CSMD1: variants seen among roughly 807,000 people sequenced by gnomAD.
CSMD1 encodes CUB and Sushi multiple domains 1.
Under a neutral mutation model 417.5 loss-of-function variants are expected in CSMD1, and 213 were observed. That is an observed-to-expected ratio of 0.51 (90% CI 0.46 to 0.57). The LOEUF (loss-of-function observed/expected upper bound fraction) is 0.57, where lower values mean the gene tolerates loss of function less well. Among genes scored for constraint, CSMD1 ranks in the 20% least tolerant of loss-of-function variants. The pLI, the probability that CSMD1 is intolerant of heterozygous loss-of-function variation, is 0.00. For synonymous variants in CSMD1, 2,862 were observed against 1,736.8 expected, an observed-to-expected ratio of 1.65 and a Z score of -16.11; for missense variants, 6,923 against 4,529.7, an observed-to-expected ratio of 1.53 and a Z score of -15.17.
intron 7 of CSMD1, among the ~76,000 whole-genome samples, chr8:3,693,434 G>C (rs1046246215): frequency 6.6e-6 from 1 of 152,082 alleles, no homozygotes; most frequent in Non-Finnish European, 1.5e-5. Flanking sequence ...TGGGTGGGCT[G>C]ACTTAGCTGG....
At chr8:4,070,310 C>T (rs754277658) in intron 3 of CSMD1, among the ~76,000 whole-genome samples, 1 of 152,046 alleles carries the variant, frequency 6.6e-6, no homozygotes, top group Non-Finnish European at 1.5e-5. Flanking sequence ...GTCTCATGCA[C>T]TTTAAAGAAA....
chr8:4,436,148 G>C (rs558642291), intron 2 of CSMD1, among the ~76,000 whole-genome samples: 6 of 152,240 alleles, frequency 3.9e-5, no homozygotes, highest in African/African-American at 1.4e-4. Context: ...AGAAGTCATA[G>C]ATATTGAGAG....
chr8:4,717,103 CTA>C (rs1808705599), intron 1 of CSMD1, among the ~76,000 whole-genome samples: 1 of 151,642 alleles, frequency 6.6e-6, no homozygotes, highest in African/African-American at 2.4e-5. Context: ...CCGAGAAAAA[CTA>C]TTTTTTTCTA....
chr8:4,966,460 A>G (rs115125753), intron 1 of CSMD1, among the ~76,000 whole-genome samples: 2,655 of 152,170 alleles, frequency 0.017, 88 homozygotes, highest in African/African-American at 0.061. Flanking sequence ...GCTAATATCA[A>G]CCATCACTTC....
intron 1 of CSMD1, among the ~76,000 whole-genome samples, chr8:4,921,040 G>A (rs753456312): frequency 2.8e-5 from 3 of 107,692 alleles, no homozygotes; most frequent in African/African-American, 3.6e-5. Flanking sequence ...AAGAAAGGAA[G>A]GAAGAAAGAA....
chr8:4,863,505 A>C (rs572228128), intron 1 of CSMD1, among the ~76,000 whole-genome samples: 3 of 152,096 alleles, frequency 2.0e-5, no homozygotes, highest in Non-Finnish European at 4.4e-5. Context: ...TCAGTGTTGA[A>C]TATTTTAATG....
intron 1 of CSMD1, among the ~76,000 whole-genome samples, chr8:4,984,534 T>G (rs1031873989): frequency 6.6e-6 from 1 of 152,206 alleles, no homozygotes; most frequent in East Asian, 1.9e-4. Context: ...AAAGTTTTCT[T>G]GTCTGTTCTC....
intron 3 of CSMD1, among the ~76,000 whole-genome samples, chr8:4,084,333 GAAAAA>G (rs56138357): frequency 6.8e-6 from 1 of 146,990 alleles, no homozygotes; most frequent in Non-Finnish European, 1.5e-5. Flanking sequence ...TGTTAAAAAA[GAAAAA>G]AAAAAACAAA....
intron 3 of CSMD1, among the ~76,000 whole-genome samples, chr8:4,411,821 A>G (rs1796663821): frequency 6.6e-6 from 1 of 152,244 alleles, no homozygotes; most frequent in African/African-American, 2.4e-5. Context: ...AGCTATGCAA[A>G]TACTTTTATT....
chr8:4,377,092 C>G (rs1488535640), intron 3 of CSMD1, among the ~76,000 whole-genome samples: 1 of 152,162 alleles, frequency 6.6e-6, no homozygotes, highest in Non-Finnish European at 1.5e-5. Flanking sequence ...CATTTCATTC[C>G]TCTTTCTTCT....
intron 1 of CSMD1, among the ~76,000 whole-genome samples, chr8:4,781,214 G>C (rs1797135828): frequency 6.6e-6 from 1 of 152,156 alleles, no homozygotes; most frequent in African/African-American, 2.4e-5. Context: ...AAGCCTGAAG[G>C]GCATTATGTG....
At chr8:4,865,564 T>C (rs1802377386) in intron 1 of CSMD1, among the ~76,000 whole-genome samples, 1 of 151,960 alleles carries the variant, frequency 6.6e-6, no homozygotes, top group Non-Finnish European at 1.5e-5. Flanking sequence ...CACCCCAACA[T>C]GGAATGCAAT....
chr8:4,178,057 G>T (rs1394135189), intron 3 of CSMD1, among the ~76,000 whole-genome samples: 1 of 152,056 alleles, frequency 6.6e-6, no homozygotes, highest in Non-Finnish European at 1.5e-5. Context: ...AGAAAAAGAG[G>T]GCACCCTCAC....
chr8:3,327,303 T>C (rs1806596680), intron 23 of CSMD1, among the ~76,000 whole-genome samples: 1 of 152,024 alleles, frequency 6.6e-6, no homozygotes, highest in Admixed American at 6.6e-5. Context: ...CCACCACATC[T>C]GGCTAATTTT....
chr8:4,622,288 C>G (rs561592883), intron 2 of CSMD1, among the ~76,000 whole-genome samples: 2 of 152,002 alleles, frequency 1.3e-5, no homozygotes, highest in Non-Finnish European at 2.9e-5. Context: ...AGATTCAGAG[C>G]TGGCTGAGGA....
At chr8:4,850,226 A>G (rs1801386094) in intron 1 of CSMD1, among the ~76,000 whole-genome samples, 1 of 152,086 alleles carries the variant, frequency 6.6e-6, no homozygotes, top group Non-Finnish European at 1.5e-5. Flanking sequence ...TCATTTTATT[A>G]CTGAGCTCCA....
chr8:4,289,264 C>G (rs1383887788), intron 3 of CSMD1, among the ~76,000 whole-genome samples: 6 of 152,192 alleles, frequency 3.9e-5, no homozygotes, highest in Non-Finnish European at 8.8e-5. Context: ...CCCTGGAAGC[C>G]TCTTTAGGCT....
chr8:3,313,547 C>T (rs971748391), intron 23 of CSMD1, among the ~76,000 whole-genome samples: 1 of 152,158 alleles, frequency 6.6e-6, no homozygotes, highest in Non-Finnish European at 1.5e-5. Flanking sequence ...AAATGCAAAT[C>T]AAAACCACAA....
At chr8:3,106,368 C>T (rs1816149227) in intron 46 of CSMD1, among the ~76,000 whole-genome samples, 160 bp downstream of exon 46, 1 of 152,192 alleles carries the variant, frequency 6.6e-6, no homozygotes, top group South Asian at 2.1e-4. Context: ...ACTGTACTCC[C>T]ACCTGGGTGA....
Sources: allele counts gnomAD v4.1 joint callset (sites outside exome capture counted in the v4.1 genomes callset), GRCh38; gene constraint gnomAD v4.1.1; transcripts MANE v1.5; gene names NCBI Gene and HGNC (gene_info 2026-07-23, HGNC 2026-07-21).